Variants in PRIM2 observed in about 807,000 individuals in gnomAD.
PRIM2 encodes DNA primase subunit 2.
Under a neutral mutation model 67.3 loss-of-function variants are expected in PRIM2, and 39 were observed. That is an observed-to-expected ratio of 0.58 (90% CI 0.45 to 0.76). The LOEUF is 0.76. Among genes scored for constraint, PRIM2 ranks in the 30% least tolerant of loss-of-function variants. The pLI, the probability that PRIM2 is intolerant of heterozygous loss-of-function variation, is 0.00. For missense variants in PRIM2, 398 were observed against 598.7 expected, an observed-to-expected ratio of 0.66 and a Z score of 3.50; for synonymous variants, 143 against 198.7, an observed-to-expected ratio of 0.72 and a Z score of 2.36.
At chr6:57,345,165 AT>A (rs5876535) in intron 5 of PRIM2, among the ~76,000 whole-genome samples, 28,864 of 147,600 alleles carry the variant, frequency 0.2, 2,840 homozygotes, top group South Asian at 0.23. Flanking sequence ...AATTTTATTA[AT>A]TTTTTTTTTT....
the PRIM2 span, among the ~76,000 whole-genome samples, chr6:57,268,447 C>T: frequency 4.6e-5 from 7 of 151,804 alleles, no homozygotes; most frequent in African/African-American, 1.7e-4. Context: ...AATGTCTATG[C>T]ATAAAAGGTG....
chr6:57,442,168 G>C (rs1772221478), intron 7 of PRIM2, among the ~76,000 whole-genome samples: 1 of 151,790 alleles, frequency 6.6e-6, no homozygotes, highest in South Asian at 2.1e-4. Context: ...TTTTCTCCTG[G>C]TCTGTAATTA....
chr6:57,593,080 A>G (rs1480774242), intron 10 of PRIM2, among the ~76,000 whole-genome samples: 16 of 152,254 alleles, frequency 1.1e-4, no homozygotes, highest in African/African-American at 3.4e-4. Flanking sequence ...ATCATTTAAC[A>G]TAATGCCTCT....
intron 11 of PRIM2, among the ~76,000 whole-genome samples, chr6:57,602,806 C>T (rs1450646026): frequency 6.6e-6 from 1 of 152,194 alleles, no homozygotes; most frequent in Non-Finnish European, 1.5e-5. Flanking sequence ...AACTCATTAT[C>T]TGTTGGAAAC....
At chr6:57,550,195 C>G (rs1775372625) in intron 10 of PRIM2, among the ~76,000 whole-genome samples, 1 of 152,070 alleles carries the variant, frequency 6.6e-6, no homozygotes, top group African/African-American at 2.4e-5. Flanking sequence ...ACAAAGTCAT[C>G]TAAAACATAT....
the PRIM2 span, among the ~76,000 whole-genome samples, chr6:57,237,541 G>T: frequency 2.6e-5 from 4 of 152,090 alleles, no homozygotes; most frequent in South Asian, 8.3e-4. Flanking sequence ...GGGTTTTTAT[G>T]GTTTTAGGTC....
At position 57,585,589 on chromosome 6, in the gene PRIM2, G is replaced by A. The variant is rs1405832323; in HGVS notation, c.1021-15504G>A. Among the ~76,000 whole-genome samples, 11 of 152,284 alleles carry A rather than the reference G, an allele frequency of 7.2e-5. No individual in the cohort carries two copies. In the East Asian group the frequency reaches 1.2e-3, roughly 16 times the overall value. ...AGGCTGAGTGATGAGATACCAAGGCGGGTGTTGGAGAGTGCAGGGATGCGG... is the reference window on the plus strand; with the variant it reads ...AGGCTGAGTGATGAGATACCAAGGCAGGTGTTGGAGAGTGCAGGGATGCGG... On this transcript the variant is annotated intron_variant, in intron 10 of 13. Coordinates refer to ENST00000615550, the MANE Select transcript of PRIM2 (RefSeq NM_000947.5).
At chr6:57,307,030 C>G in the PRIM2 span, among the ~76,000 whole-genome samples, 50 of 151,938 alleles carry the variant, frequency 3.3e-4, no homozygotes, top group South Asian at 0.01. Flanking sequence ...GAAACCCTCT[C>G]TCTACTAAAA....
intron 7 of PRIM2, chr6:57,383,575 A>T (rs1304422511): frequency 6.4e-5 from 2 of 31,440 alleles, no homozygotes; most frequent in East Asian, 1.7e-3. Context: ...TTTTCTTGCT[A>T]AAAAAAAAAA....
chr6:57,641,654 G>C (rs1777237222), intron 13 of PRIM2, among the ~76,000 whole-genome samples: 2 of 152,210 alleles, frequency 1.3e-5, no homozygotes, highest in Non-Finnish European at 2.9e-5. Context: ...CTGGTCATCA[G>C]AGAAATGCAA....
At chr6:57,457,380 C>G (rs564753914) in intron 7 of PRIM2, among the ~76,000 whole-genome samples, 11 of 152,204 alleles carry the variant, frequency 7.2e-5, no homozygotes, top group Admixed American at 2.0e-4. Context: ...TGCCCTGCCT[C>G]CAGAGGTGGA....
chr6:57,586,158 A>G (rs1776182986), intron 10 of PRIM2, among the ~76,000 whole-genome samples: 2 of 152,320 alleles, frequency 1.3e-5, no homozygotes, highest in South Asian at 4.2e-4. Context: ...AGGGATTAGT[A>G]AGATTAGAGA....
At position 57,585,998 on chromosome 6, in the gene PRIM2, AG is replaced by A. The variant is rs1342582605; in HGVS notation, c.1021-15094del. 2.0e-5 allele frequency among the ~76,000 whole-genome samples: 3 copies of A among 152,306 alleles called. No individual in the cohort carries two copies. In the East Asian group the frequency reaches 5.8e-4, roughly 29 times the overall value. ...TTCTTTCTATCTAAGTCACCACCTG[AG>A]TAACCAAGATCACCTACAACAGAAC... On this transcript the variant is annotated intron_variant, in intron 10 of 13. Coordinates refer to ENST00000615550, the MANE Select transcript of PRIM2 (RefSeq NM_000947.5).
chr6:57,331,694 A>G (rs1768062524), intron 5 of PRIM2, among the ~76,000 whole-genome samples: 1 of 152,082 alleles, frequency 6.6e-6, no homozygotes, highest in Non-Finnish European at 1.5e-5. Flanking sequence ...AGTTATTCAT[A>G]GTTTTCTCTT....
chr6:57,229,702 G>A, the PRIM2 span, among the ~76,000 whole-genome samples: 21 of 152,078 alleles, frequency 1.4e-4, no homozygotes, highest in Admixed American at 1.4e-3. Context: ...ATGTTGGCCA[G>A]GCTGATCTCG....
chr6:57,539,638 GTGTGTGTGTGTGTGTGTGTATA>G (rs1775097248), intron 10 of PRIM2, among the ~76,000 whole-genome samples: 2 of 69,526 alleles, frequency 2.9e-5, no homozygotes, highest in South Asian at 6.0e-4. Context: ...GTGTGTGTGT[GTGTGTGTGTGTGTGTGTGTATA>G]TATATATATA....
chr6:57,246,183 T>C, the PRIM2 span, among the ~76,000 whole-genome samples: 2 of 152,238 alleles, frequency 1.3e-5, no homozygotes, highest in African/African-American at 4.8e-5. Context: ...TATAGAAACC[T>C]GTGTTACTTG....
intron 7 of PRIM2, among the ~76,000 whole-genome samples, chr6:57,398,703 T>G (rs1403488979): frequency 3.3e-5 from 5 of 152,226 alleles, no homozygotes; most frequent in Admixed American, 6.5e-5. Flanking sequence ...ATATCTTCGT[T>G]AATTTTCTGC....
chr6:57,239,901 A>G, the PRIM2 span, among the ~76,000 whole-genome samples: 2 of 152,126 alleles, frequency 1.3e-5, no homozygotes, highest in Non-Finnish European at 1.5e-5. Context: ...ATTTTTGAGC[A>G]CCTACAATGT....
Sources: allele counts gnomAD v4.1 joint callset (sites outside exome capture counted in the v4.1 genomes callset), GRCh38; gene constraint gnomAD v4.1.1; transcripts MANE v1.5; gene names NCBI Gene and HGNC (gene_info 2026-07-23, HGNC 2026-07-21).